DPH5: variants seen among roughly 807,000 people sequenced by gnomAD.
DPH5 encodes the protein diphthamide biosynthesis 5.
A neutral mutation model predicts 31.6 loss-of-function variants in DPH5; 31 were observed. That is an observed-to-expected ratio of 0.98 (90% CI 0.74 to 1.32). DPH5 has a LOEUF of 1.32. Among genes scored for constraint, DPH5 ranks in the 40% most tolerant of loss-of-function variants. The pLI, the probability that DPH5 is intolerant of heterozygous loss-of-function variation, is 0.00. For synonymous variants in DPH5, 120 were observed against 115.0 expected (o/e 1.04, Z -0.28); for missense variants, 309 against 335.7 (o/e 0.92, Z 0.62).
chr1:101,001,783 TAGTA>T (rs999807880), intron 4 of DPH5, among the ~76,000 whole-genome samples, 196 bp from the exon 5 acceptor site: 8 of 152,166 alleles, frequency 5.3e-5, no homozygotes, highest in Non-Finnish European at 8.8e-5. Flanking sequence ...CTGATGCTAG[TAGTA>T]AGTAAGTTTC....
chr1:100,997,245 C>T (rs1658432466), intron 5 of DPH5, among the ~76,000 whole-genome samples: 1 of 152,176 alleles, frequency 6.6e-6, no homozygotes, highest in Admixed American at 6.5e-5. Context: ...CCTTAGTATT[C>T]CAAAAGAAAC....
chr1:101,003,465 A>G (rs989985187), intron 4 of DPH5, among the ~76,000 whole-genome samples: 2 of 152,240 alleles, frequency 1.3e-5, no homozygotes, highest in Non-Finnish European at 2.9e-5. Flanking sequence ...CATACAGCAG[A>G]GAAAGGCTCT....
In DPH5 at chr1:101,001,600, A is replaced by C. The variant is rs770100665; in HGVS notation, c.370-13T>G. ...CAAACTTATATAACTAGAAAAAAAA[A>C]CATTAATTAATGATGGAACAATTAA... On this transcript the variant is annotated splice_polypyrimidine_tract_variant and intron_variant, in intron 4 of 7. Transcript: ENST00000370109. 3.3e-6 allele frequency: 5 copies of C among 1,528,218 alleles called. No homozygotes were observed. The highest frequency in any genetic ancestry group is 4.5e-5 in the East Asian group (2 of 44,220). 94.7% of individuals were successfully genotyped at this position (1,528,218 alleles called of 1,614,324 possible). A position where few individuals can be genotyped will look rare whatever the true frequency, so the allele number is the denominator to read the frequency against.
At chr1:101,020,068 G>C (rs1444978521) in intron 3 of DPH5, among the ~76,000 whole-genome samples, 5 of 152,162 alleles carry the variant, frequency 3.3e-5, no homozygotes, top group African/African-American at 4.8e-5. Flanking sequence ...AAGACTTCAA[G>C]ATTTAAGGCC....
At chr1:101,014,097 G>T (rs202099100) in intron 3 of DPH5, among the ~76,000 whole-genome samples, 2 of 152,116 alleles carry the variant, frequency 1.3e-5, no homozygotes, top group East Asian at 1.9e-4. Context: ...CTGTAAATAC[G>T]TGAAAAAGAC....
intron 3 of DPH5, among the ~76,000 whole-genome samples, chr1:101,020,632 C>T (rs1264099772): frequency 6.6e-6 from 1 of 151,860 alleles, no homozygotes; most frequent in East Asian, 1.9e-4. Flanking sequence ...GCCTACTTGA[C>T]ATCTCAAAGT....
At chr1:101,000,538 A>C (rs1658780003) in intron 5 of DPH5, among the ~76,000 whole-genome samples, 1 of 152,210 alleles carries the variant, frequency 6.6e-6, no homozygotes, top group Non-Finnish European at 1.5e-5. Flanking sequence ...AAGTAGGAGG[A>C]ATTATTCCTA....
rs1657881018 is a variant in DPH5, at chr1:100,992,724, C to T, written c.547G>A (p.Glu183Lys). 6.2e-7 allele frequency: 1 copy of T among 1,612,782 alleles called. No homozygotes were observed. Among genetic ancestry groups the T allele is most frequent in the Non-Finnish European group, 8.5e-7 (1 of 1,179,136 alleles). The change falls in exon 7 of 8, where the codon GAA becomes AAA. Residue 183 changes from glutamate (E) to lysine (K), a missense_variant. Transcript: ENST00000370109. ...TTTACACTCATATACCGTGGAGGTT[C>T]ATAGATCTTCCTTCCCCTATAGGCA... The part of the protein sequence containing the change: ...ENLIKGRKIY[E>K]PPRYMSVNQA...
At chr1:101,004,726 C>T (rs1464208991) in intron 4 of DPH5, among the ~76,000 whole-genome samples, 1 of 152,112 alleles carries the variant, frequency 6.6e-6, no homozygotes, top group Non-Finnish European at 1.5e-5. Context: ...AGCATTTCCC[C>T]CACTAAGAGG....
chr1:100,994,966 C>T (rs556854245), intron 6 of DPH5, 144 bp downstream of exon 6: 15 of 584,904 alleles, frequency 2.6e-5, no homozygotes, highest in South Asian at 8.3e-5. Context: ...CTTATCATTT[C>T]GTAAGAATAA....
At chr1:100,992,977 A>G (rs1657919572) in intron 6 of DPH5, among the ~76,000 whole-genome samples, 1 of 152,210 alleles carries the variant, frequency 6.6e-6, no homozygotes, top group South Asian at 2.1e-4. Flanking sequence ...GCAGGAACAC[A>G]TAAAGATAGA....
Position 101,021,600 on chromosome 1 carries a change from A to C in DPH5, c.260+41T>G, listed in dbSNP as rs1193066766. On this transcript the variant is annotated intron_variant, in intron 3 of 7. Coordinates refer to ENST00000370109, the MANE Select transcript of DPH5 (RefSeq NM_015958.3). The stretch of plus-strand genomic sequence containing the variant: ...GAATAATTCTTACTGATTAAAAAAA[A>C]GTAAATGAGTTAAAAACTCAAAATA... 5 of 1,579,226 alleles carry C rather than the reference A, an allele frequency of 3.2e-6. No individual in the cohort carries two copies. The South Asian group carries it at 5.8e-5, about 18-fold the overall frequency.
chr1:100,993,818 T>C (rs1353272198), intron 6 of DPH5, among the ~76,000 whole-genome samples: 1 of 151,728 alleles, frequency 6.6e-6, no homozygotes, highest in African/African-American at 2.4e-5. Flanking sequence ...ATTGGTTCAC[T>C]GCAACCTCTG....
chr1:100,993,981 A>T lies in DPH5; in HGVS notation c.530+1129T>A, dbSNP rs1658100585. The stretch of plus-strand genomic sequence containing the variant: ...CTGGTCTCGAACTGCTGACCTCGTG[A>T]TCCACCTGCCTCGGCCTCCCAAAGT... On this transcript the variant is annotated intron_variant, in intron 6 of 7. Transcript: ENST00000370109. Among the ~76,000 whole-genome samples, 4 of 152,146 alleles carry T rather than the reference A, an allele frequency of 2.6e-5. No individual in the cohort carries two copies. The South Asian group carries it at 6.2e-4, about 24-fold the overall frequency.
chr1:101,019,287 A>G (rs1048979409), intron 3 of DPH5, among the ~76,000 whole-genome samples: 1 of 152,156 alleles, frequency 6.6e-6, no homozygotes, highest in African/African-American at 2.4e-5. Context: ...TAAAAGAACA[A>G]AGATGAGACT....
At chr1:101,004,987 C>G (rs1295540587) in intron 4 of DPH5, among the ~76,000 whole-genome samples, 1 of 152,140 alleles carries the variant, frequency 6.6e-6, no homozygotes, top group Non-Finnish European at 1.5e-5. Flanking sequence ...CCTGTAAATT[C>G]TGCTGTATAT....
At chr1:100,994,275 A>G (rs1658125170) in intron 6 of DPH5, among the ~76,000 whole-genome samples, 1 of 152,160 alleles carries the variant, frequency 6.6e-6, no homozygotes, top group African/African-American at 2.4e-5. Flanking sequence ...GCTGTTCCAA[A>G]CATACTTAAA....
In DPH5 at chr1:101,021,722, T is replaced by C; in HGVS notation, c.179A>G (p.Glu60Gly). The change falls in exon 3 of 8, where the codon GAA becomes GGA. Residue 60 changes from glutamate (E) to glycine (G), a missense_variant. Physicochemically the swap from Glu to Gly is moderately conservative, Grantham distance 98. Coordinates refer to ENST00000370109, the MANE Select transcript of DPH5 (RefSeq NM_015958.3). ...AATATTATCTGCTTCTTGTTCCACT[T>C]CTTCTCTATCAGCAACAACCAATTT... is the stretch of plus-strand genomic sequence containing the variant. ...GRKLVVADRE[E>G]VEQEADNILK... The C allele has an allele frequency of 6.2e-7, 1 of 1,613,890 alleles. No homozygotes were observed. Among genetic ancestry groups the C allele is most frequent in the East Asian group, 2.2e-5 (1 of 44,856 alleles).
intron 7 of DPH5, among the ~76,000 whole-genome samples, chr1:100,991,453 A>C (rs1447061412): frequency 7.2e-5 from 11 of 152,204 alleles, no homozygotes; most frequent in Admixed American, 7.2e-4. Context: ...TCACGACTTT[A>C]ACATGGCCTA....
Sources: allele counts gnomAD v4.1 joint callset (sites outside exome capture counted in the v4.1 genomes callset), GRCh38; gene constraint gnomAD v4.1.1; transcripts MANE v1.5; gene names NCBI Gene and HGNC (gene_info 2026-07-23, HGNC 2026-07-21).